Variants in PCDHGB7 observed in about 807,000 individuals in gnomAD.
PCDHGB7 encodes the protein protocadherin gamma-B7.
Under a neutral mutation model 61.4 loss-of-function variants are expected in PCDHGB7, and 37 were observed. That is an observed-to-expected ratio of 0.60 (90% CI 0.46 to 0.79). PCDHGB7 has a LOEUF of 0.79. PCDHGB7 is among the 30% of genes least tolerant of loss of function. The probability of loss-of-function intolerance (pLI) is 0.00; values close to 1 mark genes in which losing one functional copy is unlikely to be tolerated. For synonymous variants in PCDHGB7, 464 were observed against 503.5 expected (o/e 0.92, Z 1.05); for missense variants, 1,166 against 1,202.5 (o/e 0.97, Z 0.45).
In PCDHGB7 at chr5:141,500,938, G is replaced by A. The variant is rs1317178701; in HGVS notation, c.2475-4455G>A. On this transcript the variant is annotated intron_variant, in intron 2 of 3. Transcript: ENST00000398594. Reference sequence around the variant, plus strand: ...GGCTGGGGTGCAGTGGCGCCATCTCGGCTCACTGCAAGCTCCACCTCCTGG... The same window carrying A: ...GGCTGGGGTGCAGTGGCGCCATCTCAGCTCACTGCAAGCTCCACCTCCTGG... 2.6e-5 allele frequency among the ~76,000 whole-genome samples: 4 copies of A among 151,060 alleles called. No homozygotes were observed. The East Asian group carries it at 5.8e-4, about 22-fold the overall frequency.
At position 141,511,112 on chromosome 5, in the gene PCDHGB7, G is replaced by A. The variant is rs767257788; in HGVS notation, c.2729G>A (p.Gly910Asp). The change falls in exon 4 of 4, where the codon GGC (glycine) becomes GAC (aspartate). Residue 910 changes from glycine (G) to aspartate (D), a missense_variant. Transcript: ENST00000398594. ...ACCAACGCAGCTGGCAAGCGGGATGGCAAGGCCCCAGCAGGTGGCAATGGC... is the reference window on the plus strand; with the variant it reads ...ACCAACGCAGCTGGCAAGCGGGATGACAAGGCCCCAGCAGGTGGCAATGGC... The part of the protein sequence containing the change: ...TLTNAAGKRD[G>D]KAPAGGNGNK... 1 of 1,614,232 alleles carries A rather than the reference G, an allele frequency of 6.2e-7. No individual in the cohort carries two copies.
Position 141,420,269 on chromosome 5 carries a change from A to G in PCDHGB7, c.2410A>G (p.Lys804Glu). ...PSVEADKKIL[K>E]QQAPPNTDWR... ...CGTTGAAGCAGATAAGAAGATTCTT[A>G]AACAGGTAAGTATTTAAAAATGTAT... Residue 804 changes from lysine (K) to glutamate (E), a missense_variant, in exon 1 of 4, where the codon AAA becomes GAA. Lys to Glu is a moderately conservative substitution (Grantham distance 56). Transcript: ENST00000398594. 6.5e-7 allele frequency: 1 copy of G among 1,544,558 alleles called. No homozygotes were observed. The highest frequency in any genetic ancestry group is 2.0e-5 in the Admixed American group (1 of 51,118).
In PCDHGB7 at chr5:141,476,089, C is replaced by A; in HGVS notation, c.2416-18718C>A. 1 of 1,560,716 alleles carries A rather than the reference C, an allele frequency of 6.4e-7. No individual in the cohort carries two copies. The highest frequency in any genetic ancestry group is 8.6e-7 in the Non-Finnish European group (1 of 1,158,372). On this transcript the variant is annotated intron_variant, in intron 1 of 3. Coordinates refer to ENST00000398594, the MANE Select transcript of PCDHGB7 (RefSeq NM_018927.4). This position sits in a 1 kb window ranked among gnomAD's most constrained non-coding sequence, Gnocchi z 7.6. ...CGAAATCTCAGGGACGATCTGGACC[C>A]CGCTGAGAGGAACTGCTTTTGAGTG...
At chr5:141,428,003 C>T in intron 1 of PCDHGB7, 1 of 1,601,362 alleles carries the variant, frequency 6.2e-7, no homozygotes, top group East Asian at 2.2e-5. Flanking sequence ...CCGCACTCTT[C>T]GATATAGTGC....
At chr5:141,453,311 A>C (rs2098762053) in intron 1 of PCDHGB7, among the ~76,000 whole-genome samples, 1 of 151,602 alleles carries the variant, frequency 6.6e-6, no homozygotes, top group African/African-American at 2.4e-5. Flanking sequence ...TTATTTATTT[A>C]TTTTAGAGAT....
Position 141,490,972 on chromosome 5 carries a change from C to G in PCDHGB7, c.2416-3835C>G. 6.2e-7 allele frequency: 1 copy of G among 1,613,912 alleles called. No homozygotes were observed. Among genetic ancestry groups the G allele is most frequent in the Non-Finnish European group, 8.5e-7 (1 of 1,179,922 alleles). Reference sequence around the variant, plus strand: ...AGACTGGGAACACTCAGCCCCCCAGCGTCTCCCTCGCTCTGCTCCTCCTGG... The same window carrying G: ...AGACTGGGAACACTCAGCCCCCCAGGGTCTCCCTCGCTCTGCTCCTCCTGG... On this transcript the variant is annotated intron_variant, in intron 1 of 3. Coordinates refer to ENST00000398594, the MANE Select transcript of PCDHGB7 (RefSeq NM_018927.4). The surrounding 1 kb of genome is among the most constrained non-coding windows in gnomAD (Gnocchi z 5.4).
chr5:141,492,332 G>A (rs2099739439), intron 1 of PCDHGB7, among the ~76,000 whole-genome samples: 1 of 152,204 alleles, frequency 6.6e-6, no homozygotes. Flanking sequence ...GGGCTTACGC[G>A]AATACCAGCT....
chr5:141,486,559 G>A lies in PCDHGB7; in HGVS notation c.2416-8248G>A. ...CTTTCTTTCAGAGGTCACATGAGGTGTTTGTTCCTGAGAACAATCGCCCAG... is the reference window on the plus strand; with the variant it reads ...CTTTCTTTCAGAGGTCACATGAGGTATTTGTTCCTGAGAACAATCGCCCAG... On this transcript the variant is annotated intron_variant, in intron 1 of 3. Transcript: ENST00000398594. This position sits in a 1 kb window ranked among gnomAD's most constrained non-coding sequence, Gnocchi z 5.0. 6.2e-7 allele frequency: 1 copy of A among 1,614,032 alleles called. No individual in the cohort carries two copies. Among genetic ancestry groups the A allele is most frequent in the Non-Finnish European group, 8.5e-7 (1 of 1,180,022 alleles).
At chr5:141,429,610 T>C (rs2097228693) in intron 1 of PCDHGB7, among the ~76,000 whole-genome samples, 2 of 152,230 alleles carry the variant, frequency 1.3e-5, no homozygotes, top group African/African-American at 4.8e-5. Flanking sequence ...AACTCAATTT[T>C]ATGTCTGATA....
rs774780380 is a variant in PCDHGB7 at position 141,432,864 on chromosome 5, G to C, written c.2415+12590G>C. Reference sequence around the variant, plus strand: ...GTGGTAGCGGTGGCCGCGGTCTCCTGCGTCTTCCTGGCCTTCGTCATCTTG... The same window carrying C: ...GTGGTAGCGGTGGCCGCGGTCTCCTCCGTCTTCCTGGCCTTCGTCATCTTG... On this transcript the variant is annotated intron_variant, in intron 1 of 3. Coordinates refer to ENST00000398594, the MANE Select transcript of PCDHGB7 (RefSeq NM_018927.4). The surrounding 1 kb of genome is among the most constrained non-coding windows in gnomAD (Gnocchi z 6.0). 6.2e-7 allele frequency: 1 copy of C among 1,614,168 alleles called. No homozygotes were observed.
At chr5:141,423,659 A>G in intron 1 of PCDHGB7, 2 of 1,551,038 alleles carry the variant, frequency 1.3e-6, no homozygotes, top group Non-Finnish European at 1.7e-6. Flanking sequence ...ACAAGTAATC[A>G]GGTGAGATTT....
intron 2 of PCDHGB7, among the ~76,000 whole-genome samples, chr5:141,504,968 C>A (rs1377016827): frequency 1.3e-5 from 2 of 152,206 alleles, no homozygotes; most frequent in East Asian, 3.9e-4. Context: ...ATTGGACCAG[C>A]CTGGCCAACA....
intron 3 of PCDHGB7, among the ~76,000 whole-genome samples, chr5:141,510,034 T>A (rs2099879281): frequency 6.6e-6 from 1 of 152,156 alleles, no homozygotes; most frequent in Non-Finnish European, 1.5e-5. Flanking sequence ...TGGGCTGTTA[T>A]GTAGAGGTTA....
chr5:141,444,695 CCT>C (rs2154560766), intron 1 of PCDHGB7, among the ~76,000 whole-genome samples: 1 of 152,134 alleles, frequency 6.6e-6, no homozygotes, highest in South Asian at 2.1e-4. Flanking sequence ...AAAATATTTT[CCT>C]CTTTCTGTTG....
In PCDHGB7 at chr5:141,419,553, C is replaced by T. The variant is rs2096398346; in HGVS notation, c.1694C>T (p.Pro565Leu). The change falls in exon 1 of 4, where the codon CCT becomes CTT. Residue 565 changes from proline (P) to leucine (L), a missense_variant. By Grantham distance (98) the Pro-to-Leu change is moderately conservative. Transcript: ENST00000398594. The part of the protein sequence containing the change: ...RNDNAPRVLY[P>L]ALGPDGSALF... ...GACAACGCACCGCGGGTGCTGTACC[C>T]TGCGCTGGGTCCCGACGGCTCCGCG... 1.2e-5 allele frequency: 20 copies of T among 1,611,902 alleles called. No individual in the cohort carries two copies. Among genetic ancestry groups the T allele is most frequent in the Non-Finnish European group, 1.4e-5 (17 of 1,179,492 alleles).
At position 141,477,115 on chromosome 5, in the gene PCDHGB7, A is replaced by G. The variant is rs1218111107; in HGVS notation, c.2416-17692A>G. ...AAGACAAGGGCGCCAATCCCGAAGG[A>G]GCACATTGCAAAGTGTTGGTGGAGG... On this transcript the variant is annotated intron_variant, in intron 1 of 3. Transcript: ENST00000398594. This position sits in a 1 kb window ranked among gnomAD's most constrained non-coding sequence, Gnocchi z 4.9. 1 of 1,614,230 alleles carries G rather than the reference A, an allele frequency of 6.2e-7. No homozygotes were observed. Among genetic ancestry groups the G allele is most frequent in the South Asian group, 1.1e-5 (1 of 91,090 alleles).
At position 141,419,210 on chromosome 5, in the gene PCDHGB7, G is replaced by A; in HGVS notation, c.1351G>A (p.Val451Ile). 1 of 1,613,926 alleles carries A rather than the reference G, an allele frequency of 6.2e-7. No individual in the cohort carries two copies. The highest frequency in any genetic ancestry group is 8.5e-7 in the Non-Finnish European group (1 of 1,179,878). Residue 451 changes from valine to isoleucine, a missense_variant, in exon 1 of 4, where the codon GTT (valine) becomes ATT (isoleucine). Physicochemically the swap from Val to Ile is conservative, Grantham distance 29. Coordinates refer to ENST00000398594, the MANE Select transcript of PCDHGB7 (RefSeq NM_018927.4). The stretch of plus-strand genomic sequence containing the variant: ...TACTGACGTCAATGACAACGCGCCG[G>A]TTTTCGGACAGTCAGCCTACCTGGT... Reference protein sequence around the residue: ...HITDVNDNAPVFGQSAYLVHV... With the variant: ...HITDVNDNAPIFGQSAYLVHV...
chr5:141,468,300 G>C (rs2099162063), intron 1 of PCDHGB7, among the ~76,000 whole-genome samples: 1 of 146,430 alleles, frequency 6.8e-6, no homozygotes, highest in Non-Finnish European at 1.5e-5. Flanking sequence ...ACCCCAGCCT[G>C]GGCAACAAGA....
chr5:141,421,533 C>T (rs80184002), intron 1 of PCDHGB7: 1 of 1,614,044 alleles, frequency 6.2e-7, no homozygotes, highest in African/African-American at 1.3e-5. Flanking sequence ...CGGTGTCCTC[C>T]TGTTTTTTAA....
Sources: gnomAD v4.1 joint callset for allele counts (sites outside exome capture counted in the v4.1 genomes callset) on GRCh38, gnomAD v4.1.1 for gene constraint, Gnocchi (gnomAD v3.1) non-coding constraint, MANE v1.5 for transcripts, NCBI Gene and HGNC (gene_info 2026-07-23, HGNC 2026-07-21) for gene names.